The following ASIC2 variants were observed in gnomAD, a reference collection of about 807,000 sequenced individuals.
The protein encoded by ASIC2 is acid-sensing ion channel 2.
In ASIC2, 25 loss-of-function variants were observed where a neutral mutation model predicts 57.3. That is an observed-to-expected ratio of 0.44 (90% CI 0.32 to 0.61). The LOEUF is 0.61. Ranked by LOEUF, ASIC2 falls within the 20% of genes least tolerant of loss-of-function variation. The pLI is 0.06. For missense variants in ASIC2, 641 were observed against 738.1 expected (o/e 0.87, Z 1.52); for synonymous variants, 319 against 307.5 (o/e 1.04, Z -0.39).
chr17:33,501,388 T>C (rs1018608076), intron 1 of ASIC2, among the ~76,000 whole-genome samples: 5 of 152,174 alleles, frequency 3.3e-5, no homozygotes, highest in Non-Finnish European at 5.9e-5. Context: ...AAAATGCCAG[T>C]GCCAGCAGGG....
At chr17:33,521,360 C>A (rs373618256) in intron 1 of ASIC2, among the ~76,000 whole-genome samples, 1 of 152,140 alleles carries the variant, frequency 6.6e-6, no homozygotes, top group African/African-American at 2.4e-5. Context: ...GCCTGCCACT[C>A]GGGGCCAGCC....
chr17:33,383,227 CA>C (rs1909554291), intron 1 of ASIC2, among the ~76,000 whole-genome samples: 1 of 152,126 alleles, frequency 6.6e-6, no homozygotes, highest in Non-Finnish European at 1.5e-5. Flanking sequence ...ACGTGGATTT[CA>C]AAAAGTGATT....
chr17:33,205,113 A>G (rs1467732209), intron 1 of ASIC2, among the ~76,000 whole-genome samples: 2 of 152,184 alleles, frequency 1.3e-5, no homozygotes, highest in African/African-American at 4.8e-5. Flanking sequence ...AGCCTCTCTA[A>G]ACCTTGCTCT....
intron 1 of ASIC2, among the ~76,000 whole-genome samples, chr17:33,604,901 A>C (rs1464259361): frequency 6.6e-6 from 1 of 152,196 alleles, no homozygotes; most frequent in Non-Finnish European, 1.5e-5. Context: ...GGATGTTTCC[A>C]AAGTCACAAA....
At chr17:33,844,975 A>G (rs1178366826) in intron 1 of ASIC2, among the ~76,000 whole-genome samples, 2 of 152,260 alleles carry the variant, frequency 1.3e-5, no homozygotes, top group African/African-American at 4.8e-5. Flanking sequence ...CATGTAGCCA[A>G]TGTACAGTGA....
At chr17:33,719,092 G>C (rs1486694791) in intron 1 of ASIC2, among the ~76,000 whole-genome samples, 4 of 152,180 alleles carry the variant, frequency 2.6e-5, no homozygotes, top group African/African-American at 9.6e-5. Flanking sequence ...ATGGGAACCT[G>C]CTACACAGGG....
At chr17:33,725,705 G>A (rs575804744) in intron 1 of ASIC2, among the ~76,000 whole-genome samples, 1 of 146,818 alleles carries the variant, frequency 6.8e-6, no homozygotes, top group African/African-American at 2.6e-5. Context: ...CAATTGCATC[G>A]CATTACTATT....
intron 1 of ASIC2, among the ~76,000 whole-genome samples, chr17:33,508,736 C>T (rs1258662358): frequency 1.3e-5 from 2 of 152,170 alleles, no homozygotes; most frequent in African/African-American, 4.8e-5. Context: ...TCCAGGCTGC[C>T]TTCAGTTTCT....
intron 1 of ASIC2, among the ~76,000 whole-genome samples, chr17:33,928,770 G>T (rs1915873663): frequency 6.6e-6 from 1 of 152,164 alleles, no homozygotes; most frequent in South Asian, 2.1e-4. Context: ...AAATGGAGCA[G>T]ATCCACAGAT....
intron 1 of ASIC2, among the ~76,000 whole-genome samples, chr17:33,952,811 G>C (rs1904619069): frequency 6.6e-6 from 1 of 152,156 alleles, no homozygotes; most frequent in Admixed American, 6.5e-5. Flanking sequence ...AAACTATGTA[G>C]GGTAAAATAT....
intron 1 of ASIC2, among the ~76,000 whole-genome samples, chr17:33,644,310 A>G (rs1368811839): frequency 6.6e-6 from 1 of 152,134 alleles, no homozygotes. Context: ...GCTGTTGACT[A>G]TTTGAACCTG....
intron 1 of ASIC2, among the ~76,000 whole-genome samples, chr17:34,105,375 A>G (rs1911007686): frequency 1.3e-5 from 2 of 150,778 alleles, no homozygotes; most frequent in Non-Finnish European, 3.0e-5. Flanking sequence ...CTAGAAGTTT[A>G]TCAAATGTAT....
At chr17:33,401,389 A>T (rs1910282247) in intron 1 of ASIC2, among the ~76,000 whole-genome samples, 1 of 152,096 alleles carries the variant, frequency 6.6e-6, no homozygotes, top group South Asian at 2.1e-4. Flanking sequence ...TTGTAGTGTT[A>T]ACCTCTTCCA....
At chr17:33,610,521 T>C (rs1054587126) in intron 1 of ASIC2, among the ~76,000 whole-genome samples, 2 of 152,000 alleles carry the variant, frequency 1.3e-5, no homozygotes, top group African/African-American at 4.8e-5. Flanking sequence ...CTGAGTATTA[T>C]TTTTCTTTTT....
At chr17:34,065,566 C>T (rs1463765970) in intron 1 of ASIC2, among the ~76,000 whole-genome samples, 2 of 152,036 alleles carry the variant, frequency 1.3e-5, no homozygotes, top group Non-Finnish European at 2.9e-5. Flanking sequence ...GTTTCCAAAG[C>T]CTATACACCT....
chr17:33,541,768 G>A (rs1224646203), intron 1 of ASIC2, among the ~76,000 whole-genome samples: 1 of 152,114 alleles, frequency 6.6e-6, no homozygotes. Context: ...CACTTCTCAA[G>A]CACATCACTA....
intron 1 of ASIC2, among the ~76,000 whole-genome samples, chr17:33,604,899 C>T (rs1905191122): frequency 6.6e-6 from 1 of 152,150 alleles, no homozygotes; most frequent in Non-Finnish European, 1.5e-5. Context: ...TAGGATGTTT[C>T]CAAAGTCACA....
chr17:33,116,397 C>T (rs898768518), intron 1 of ASIC2, among the ~76,000 whole-genome samples: 2 of 152,204 alleles, frequency 1.3e-5, no homozygotes, highest in African/African-American at 4.8e-5. Context: ...TCGCCCCCAG[C>T]CAGAAAATAT....
intron 1 of ASIC2, among the ~76,000 whole-genome samples, chr17:33,401,720 C>T (rs1458071290): frequency 6.6e-6 from 1 of 152,118 alleles, no homozygotes; most frequent in Non-Finnish European, 1.5e-5. Context: ...TTGTTCGCTT[C>T]CCAGGAGACA....
Sources: allele counts gnomAD v4.1 joint callset (sites outside exome capture counted in the v4.1 genomes callset), GRCh38; gene constraint gnomAD v4.1.1; transcripts MANE v1.5; gene names NCBI Gene and HGNC (gene_info 2026-07-23, HGNC 2026-07-21).